The following FHIT variants were observed in gnomAD, a reference collection of about 807,000 sequenced individuals.
FHIT encodes fragile histidine triad diadenosine triphosphatase.
Under a neutral mutation model 17.9 loss-of-function variants are expected in FHIT, and 19 were observed. The observed-to-expected ratio is 1.06, with a 90% CI of 0.74 to 1.56. FHIT has a LOEUF of 1.56. FHIT is among the 40% of genes most tolerant of loss of function. The pLI is 0.00. For missense variants in FHIT, 248 were observed against 189.2 expected (o/e 1.31, Z -1.82); for synonymous variants, 81 against 69.7 (o/e 1.16, Z -0.81).
intron 7 of FHIT, among the ~76,000 whole-genome samples, chr3:59,935,476 G>C (rs1487897330): frequency 6.6e-6 from 1 of 152,110 alleles, no homozygotes; most frequent in African/African-American, 2.4e-5. Context: ...GTCCATGACA[G>C]CTTTTTACCA....
chr3:60,373,660 C>G (rs369547018), intron 5 of FHIT, among the ~76,000 whole-genome samples: 1 of 152,002 alleles, frequency 6.6e-6, no homozygotes, highest in African/African-American at 2.4e-5. Flanking sequence ...GCAATTGTCC[C>G]CAAAATGTCC....
rs551311003 is a variant in FHIT, at chr3:61,088,924, G to T, written c.-163-46825C>A. ...GTGAAGTACTGCAAGTGTGGGAAAT[G>T]GTTGAGAGTCATGGACATTGGGGAA... is the stretch of plus-strand genomic sequence containing the variant. On this transcript the variant is annotated intron_variant, in intron 2 of 9. Coordinates refer to ENST00000492590, the MANE Select transcript of FHIT (RefSeq NM_002012.4). Among the ~76,000 whole-genome samples, 4 of 152,258 alleles carry T rather than the reference G, an allele frequency of 2.6e-5. No homozygotes were observed. The South Asian group carries it at 8.3e-4, about 32-fold the overall frequency.
rs528063336 is a variant in FHIT, at chr3:60,776,532, GT to G, written c.-18+45386del. Among the ~76,000 whole-genome samples, 671 of 152,270 alleles carry G rather than the reference GT, an allele frequency of 4.4e-3. 4 individuals carry two copies. Among genetic ancestry groups the G allele is most frequent in the African/African-American group, 0.015 (636 of 41,550 alleles). ...AGGTCAGATGCAAGGTTTGCTAAGT[GT>G]TTTGAGGTTACAAACTGCTTTTTGG... is the stretch of plus-strand genomic sequence containing the variant. On this transcript the variant is annotated intron_variant, in intron 4 of 9. Transcript: ENST00000492590.
At chr3:60,258,142 G>A (rs1559767680) in intron 5 of FHIT, among the ~76,000 whole-genome samples, 8 of 150,990 alleles carry the variant, frequency 5.3e-5, no homozygotes, top group East Asian at 1.9e-4. Flanking sequence ...TATCAGCAGG[G>A]GCTTTTGTGA....
Position 60,014,047 on chromosome 3 carries a change from T to C in FHIT, c.209A>G (p.Glu70Gly). The change falls in exon 6 of 10, where the codon GAA becomes GGA. Residue 70 changes from glutamate (E) to glycine (G), a missense_variant. Physicochemically the swap from Glu to Gly is moderately conservative, Grantham distance 98. Coordinates refer to ENST00000492590, the MANE Select transcript of FHIT (RefSeq NM_002012.4). ...QTTQRVGTVVEKHFHGTSLTF... is the reference protein window; with the variant it reads ...QTTQRVGTVVGKHFHGTSLTF... ...GAGAGAGGTCCCATGGAAATGTTTTTCCACCACTGTCCCGACTCTCTGGGT... is the reference window on the plus strand; with the variant it reads ...GAGAGAGGTCCCATGGAAATGTTTTCCCACCACTGTCCCGACTCTCTGGGT... 1.9e-6 allele frequency: 3 copies of C among 1,614,064 alleles called. No individual in the cohort carries two copies. The highest frequency in any genetic ancestry group is 2.5e-6 in the Non-Finnish European group (3 of 1,179,974).
At chr3:60,650,001 A>C (rs1577026278) in intron 4 of FHIT, among the ~76,000 whole-genome samples, 1 of 152,288 alleles carries the variant, frequency 6.6e-6, no homozygotes, top group East Asian at 1.9e-4. Context: ...CAAAGAGGGG[A>C]AACAAATGCA....
At chr3:60,062,773 GT>G (rs113760113) in intron 5 of FHIT, among the ~76,000 whole-genome samples, 4,845 of 152,184 alleles carry the variant, frequency 0.032, 243 homozygotes, top group African/African-American at 0.11. Context: ...GAGGAGTTTT[GT>G]TTTTTTGGTT....
intron 3 of FHIT, among the ~76,000 whole-genome samples, chr3:60,851,450 G>T (rs1457964940): frequency 6.6e-6 from 1 of 152,106 alleles, no homozygotes; most frequent in African/African-American, 2.4e-5. Flanking sequence ...AGGAAAATGA[G>T]AATGACTCCC....
chr3:61,094,018 T>C (rs528573837), intron 2 of FHIT, among the ~76,000 whole-genome samples: 66 of 152,172 alleles, frequency 4.3e-4, no homozygotes, highest in Middle Eastern at 3.4e-3. Flanking sequence ...TTCAAATGAG[T>C]TTTCCCTGTA....
intron 4 of FHIT, among the ~76,000 whole-genome samples, chr3:60,770,063 T>C (rs539816607): frequency 2.0e-5 from 3 of 152,144 alleles, no homozygotes; most frequent in Non-Finnish European, 2.9e-5. Flanking sequence ...ATGGAGGCCA[T>C]GAAGAGAATA....
At chr3:60,887,882 T>C (rs1705305565) in intron 3 of FHIT, among the ~76,000 whole-genome samples, 1 of 152,216 alleles carries the variant, frequency 6.6e-6, no homozygotes, top group East Asian at 1.9e-4. Context: ...AAAGGAAATT[T>C]CCCTTACAAA....
chr3:60,989,317 A>AT (rs2107577554), intron 3 of FHIT, among the ~76,000 whole-genome samples: 1 of 150,716 alleles, frequency 6.6e-6, no homozygotes, highest in African/African-American at 2.4e-5. Flanking sequence ...ACTTGGCTAA[A>AT]TTTTTTTTCT....
At chr3:61,149,658 G>T (rs968311580) in intron 2 of FHIT, among the ~76,000 whole-genome samples, 1 of 152,036 alleles carries the variant, frequency 6.6e-6, no homozygotes, top group Non-Finnish European at 1.5e-5. Flanking sequence ...TGGGAGGATG[G>T]CTTGAGCCCA....
In FHIT at chr3:59,842,064, T is replaced by C. The variant is rs542457064; in HGVS notation, c.348+80282A>G. Among the ~76,000 whole-genome samples, 567 of 152,214 alleles carry C rather than the reference T, an allele frequency of 3.7e-3. 2 individuals carry two copies. Among genetic ancestry groups the C allele is most frequent in the Non-Finnish European group, 4.6e-3 (310 of 67,998 alleles). On this transcript the variant is annotated intron_variant, in intron 8 of 9. Transcript: ENST00000492590. ...ATACCCATTAAATAACAACTCCCCATTCTCCCTCCCCCCAGCTTCTGGCAA... is the reference window on the plus strand; with the variant it reads ...ATACCCATTAAATAACAACTCCCCACTCTCCCTCCCCCCAGCTTCTGGCAA...
chr3:61,238,012 C>G (rs937631277), intron 1 of FHIT, among the ~76,000 whole-genome samples: 3 of 152,178 alleles, frequency 2.0e-5, no homozygotes, highest in Non-Finnish European at 4.4e-5. Flanking sequence ...ATCTTGATGG[C>G]TATGATGAGT....
intron 5 of FHIT, among the ~76,000 whole-genome samples, chr3:60,104,957 T>TATATTTTAAAATAAAAATATTAAGGC (rs1704346228): frequency 6.6e-6 from 1 of 152,010 alleles, no homozygotes; most frequent in South Asian, 2.1e-4. Context: ...GCTCTTACTG[T>TATATTTTAAAATAAAAATATTAAGGC]CTTTAGTATA....
At chr3:60,491,610 T>A (rs181144681) in intron 5 of FHIT, among the ~76,000 whole-genome samples, 85 of 152,354 alleles carry the variant, frequency 5.6e-4, no homozygotes, top group African/African-American at 1.9e-3. Context: ...TGCAGTAATA[T>A]TCCTTTATAT....
intron 8 of FHIT, among the ~76,000 whole-genome samples, chr3:59,822,704 T>G (rs1251643648): frequency 3.3e-5 from 5 of 152,182 alleles, no homozygotes; most frequent in Non-Finnish European, 7.4e-5. Flanking sequence ...ATGTTCGTCT[T>G]TTGTCAGATA....
chr3:60,014,762 AT>A lies in FHIT; in HGVS notation c.104-611del, dbSNP rs561568072. Among the ~76,000 whole-genome samples, 165 of 150,160 alleles carry A rather than the reference AT, an allele frequency of 1.1e-3. 1 individual carries two copies. The highest frequency in any genetic ancestry group is 3.6e-3 in the African/African-American group (149 of 41,092). ...TTTATGACAAGAGTTCCTCAGACTA[AT>A]TTTTTTTTTAGAATCCAAAAGAAGA... On this transcript the variant is annotated intron_variant, in intron 5 of 9. Transcript: ENST00000492590.
Sources: allele counts gnomAD v4.1 joint callset (sites outside exome capture counted in the v4.1 genomes callset), GRCh38; gene constraint gnomAD v4.1.1; transcripts MANE v1.5; gene names NCBI Gene and HGNC (gene_info 2026-07-23, HGNC 2026-07-21).